The following NSUN6 variants were observed in gnomAD, a reference collection of about 807,000 sequenced individuals.
NSUN6 encodes NOP2/Sun RNA methyltransferase 6.
Under a neutral mutation model 58.0 loss-of-function variants are expected in NSUN6, and 64 were observed. The observed-to-expected ratio is 1.10, with a 90% CI of 0.90 to 1.36. The LOEUF is 1.36. NSUN6 is among the 40% of genes most tolerant of loss of function. The pLI, the probability that NSUN6 is intolerant of heterozygous loss-of-function variation, is 0.00. For missense variants in NSUN6, 701 were observed against 550.1 expected, an observed-to-expected ratio of 1.27 and a Z score of -2.74; for synonymous variants, 231 against 193.9, an observed-to-expected ratio of 1.19 and a Z score of -1.59.
intron 3 of NSUN6, among the ~76,000 whole-genome samples, chr10:18,640,582 T>G (rs1299954335): frequency 6.6e-6 from 1 of 152,098 alleles, no homozygotes; most frequent in African/African-American, 2.4e-5. Context: ...TAAGAGATGA[T>G]AGAAATCAGA....
At chr10:18,652,362 C>G, upstream of NSUN6, 1 of 983,060 alleles carries the variant, frequency 1.0e-6, no homozygotes, top group Non-Finnish European at 1.2e-6. Context: ...TTTTGCAGCA[C>G]ACCATGGTAA....
Position 18,585,825 on chromosome 10 carries a change from T to C in NSUN6, c.922+124A>G, listed in dbSNP as rs896573913. On this transcript the variant is annotated intron_variant, in intron 8 of 10. Transcript: ENST00000377304. ...ACAAGGATAAGTACAGTGATGGATATGTTAATTAGCTTGTTTTAATCATTC... is the reference window on the plus strand; with the variant it reads ...ACAAGGATAAGTACAGTGATGGATACGTTAATTAGCTTGTTTTAATCATTC... 7.1e-6 allele frequency: 5 copies of C among 702,636 alleles called. No homozygotes were observed. In the East Asian group the frequency reaches 8.5e-5, roughly 12 times the overall value. 43.5% of individuals were successfully genotyped at this position (702,636 alleles called of 1,614,324 possible). A position where few individuals can be genotyped will look rare whatever the true frequency, so the allele number is the denominator to read the frequency against.
intron 3 of NSUN6, among the ~76,000 whole-genome samples, chr10:18,637,284 G>T (rs939890490): frequency 5.9e-5 from 9 of 152,092 alleles, no homozygotes; most frequent in African/African-American, 1.9e-4. Flanking sequence ...ATGAAATGTA[G>T]GTATGTGAAT....
chr10:18,588,317 G>C (rs773669119), intron 7 of NSUN6, among the ~76,000 whole-genome samples: 1 of 152,228 alleles, frequency 6.6e-6, no homozygotes, highest in Non-Finnish European at 1.5e-5. Flanking sequence ...CACCTGGGGG[G>C]AGGGGTGGCT....
chr10:18,605,075 T>C (rs948350847), intron 6 of NSUN6, among the ~76,000 whole-genome samples: 1 of 151,230 alleles, frequency 6.6e-6, no homozygotes, highest in African/African-American at 2.4e-5. Context: ...TTAGTAGAGA[T>C]GGGGTTTCAC....
chr10:18,593,725 G>A (rs1376569048), intron 7 of NSUN6, among the ~76,000 whole-genome samples: 3 of 152,136 alleles, frequency 2.0e-5, no homozygotes, highest in Non-Finnish European at 4.4e-5. Context: ...GAGGTAAGGG[G>A]AGGGATAGCA....
At chr10:18,555,097 T>A (rs1046850238) in intron 8 of NSUN6, among the ~76,000 whole-genome samples, 1 of 146,224 alleles carries the variant, frequency 6.8e-6, no homozygotes, top group African/African-American at 2.6e-5. Context: ...GAGAATGGAA[T>A]GGAGTGAAGA....
At chr10:18,549,295 C>A (rs577844427) in intron 9 of NSUN6, among the ~76,000 whole-genome samples, 39 of 152,282 alleles carry the variant, frequency 2.6e-4, no homozygotes, top group Admixed American at 1.6e-3. Flanking sequence ...CAACACTGGC[C>A]TCCTGCTGTT....
intron 3 of NSUN6, among the ~76,000 whole-genome samples, chr10:18,621,447 C>G (rs892041029): frequency 6.6e-6 from 1 of 152,112 alleles, no homozygotes; most frequent in African/African-American, 2.4e-5. Flanking sequence ...CCATAGACAC[C>G]AGGACTGACA....
At chr10:18,555,466 T>A (rs538618775) in intron 8 of NSUN6, among the ~76,000 whole-genome samples, 1 of 147,610 alleles carries the variant, frequency 6.8e-6, no homozygotes, top group South Asian at 2.1e-4. Flanking sequence ...GAGAATGGGA[T>A]AGAATGCAGT....
Position 18,548,257 on chromosome 10 carries a change from G to A in NSUN6, c.1072-20C>T, listed in dbSNP as rs766970826. On this transcript the variant is annotated intron_variant, in intron 9 of 10. Transcript: ENST00000377304. ...AACCGCCTAAAGAAAACTGTGATCA[G>A]ACCACACACAGCACAAGACCAGATA... 6.2e-7 allele frequency: 1 copy of A among 1,603,798 alleles called. No individual in the cohort carries two copies. The highest frequency in any genetic ancestry group is 1.3e-5 in the African/African-American group (1 of 74,770).
Position 18,548,221 on chromosome 10 carries a change from T to G in NSUN6, c.1088A>C (p.Lys363Thr). The change falls in exon 10 of 11, where the codon AAG (lysine) becomes ACG (threonine). Residue 363 changes from lysine to threonine, a missense_variant. Transcript: ENST00000377304. ...GCTATAAACCAGCACACCCTCTGGC[T>G]TCAGCAGCTGAACCGCCTAAAGAAA... is the stretch of plus-strand genomic sequence containing the variant. The part of the protein sequence containing the change: ...KLFTAAVQLL[K>T]PEGVLVYSTC... The G allele has an allele frequency of 6.2e-7, 1 of 1,612,876 alleles. No individual in the cohort carries two copies. The highest frequency in any genetic ancestry group is 8.5e-7 in the Non-Finnish European group (1 of 1,179,248).
At chr10:18,638,902 T>C (rs2059304616) in intron 3 of NSUN6, among the ~76,000 whole-genome samples, 1 of 144,852 alleles carries the variant, frequency 6.9e-6, no homozygotes, top group African/African-American at 2.6e-5. Flanking sequence ...CACATGTATG[T>C]GAATTATACT....
At chr10:18,581,698 C>G (rs561101855) in intron 8 of NSUN6, among the ~76,000 whole-genome samples, 1 of 151,916 alleles carries the variant, frequency 6.6e-6, no homozygotes, top group Non-Finnish European at 1.5e-5. Flanking sequence ...CGGTGGCATG[C>G]GCCTGTAGTC....
At chr10:18,568,915 C>A (rs1007565501) in intron 8 of NSUN6, among the ~76,000 whole-genome samples, 1 of 150,996 alleles carries the variant, frequency 6.6e-6, no homozygotes, top group Non-Finnish European at 1.5e-5. Context: ...CTCTCCATTC[C>A]ATTCCATTCT....
At chr10:18,556,771 G>A (rs2055057185) in intron 8 of NSUN6, among the ~76,000 whole-genome samples, 1 of 151,564 alleles carries the variant, frequency 6.6e-6, no homozygotes, top group Non-Finnish European at 1.5e-5. Context: ...ATGAAGAATG[G>A]AATGGAAGGT....
In NSUN6 at chr10:18,560,219, A is replaced by G. The variant is rs116720172; in HGVS notation, c.923-8248T>C. 8.4e-3 allele frequency among the ~76,000 whole-genome samples: 1,266 copies of G among 151,588 alleles called. 14 individuals carry two copies. Among genetic ancestry groups the G allele is most frequent in the South Asian group, 0.033 (160 of 4,812 alleles). On this transcript the variant is annotated intron_variant, in intron 8 of 10. Coordinates refer to ENST00000377304, the MANE Select transcript of NSUN6 (RefSeq NM_182543.5). ...AAAATGGAATGGAATGGAGAATGGT[A>G]TGGAATGGAACGGAGAATGGCAGAG...
intron 8 of NSUN6, among the ~76,000 whole-genome samples, chr10:18,584,290 T>G (rs1030095755): frequency 6.6e-6 from 1 of 152,252 alleles, no homozygotes; most frequent in South Asian, 2.1e-4. Flanking sequence ...CCTCGTTCAC[T>G]TCCCCCCTTA....
At chr10:18,612,981 G>A (rs866197353) in intron 5 of NSUN6, among the ~76,000 whole-genome samples, 1 of 152,142 alleles carries the variant, frequency 6.6e-6, no homozygotes, top group African/African-American at 2.4e-5. Context: ...AATTTTTTAA[G>A]GAATATAAAT....
Sources: gnomAD v4.1 joint callset for allele counts (sites outside exome capture counted in the v4.1 genomes callset) on GRCh38, gnomAD v4.1.1 for gene constraint, MANE v1.5 for transcripts, NCBI Gene and HGNC (gene_info 2026-07-23, HGNC 2026-07-21) for gene names.